Variants in SH2D4B observed in about 807,000 individuals in gnomAD.
SH2D4B encodes SH2 domain-containing protein 4B.
SH2D4B carries 45 observed loss-of-function variants against 61.5 expected under a neutral mutation model. That is an observed-to-expected ratio of 0.73 (90% CI 0.58 to 0.94). SH2D4B has a LOEUF of 0.94. Among genes scored for constraint, SH2D4B ranks in the 40% least tolerant of loss-of-function variants. The probability of loss-of-function intolerance (pLI) is 0.00; values close to 1 mark genes in which losing one functional copy is unlikely to be tolerated. For missense variants in SH2D4B, 572 were observed against 574.2 expected (o/e 1.00, Z 0.04); for synonymous variants, 224 against 220.4 (o/e 1.02, Z -0.14).
intron 4 of SH2D4B, among the ~76,000 whole-genome samples, chr10:80,599,367 C>T (rs1385040258): frequency 6.6e-6 from 1 of 152,118 alleles, no homozygotes; most frequent in Non-Finnish European, 1.5e-5. Flanking sequence ...TTGAAACTCT[C>T]CTTGAACTCT....
intron 7 of SH2D4B, among the ~76,000 whole-genome samples, chr10:80,638,290 G>A (rs184047591): frequency 2.6e-5 from 4 of 152,188 alleles, no homozygotes; most frequent in Admixed American, 6.5e-5. Flanking sequence ...TCAGGATGAC[G>A]TTGGCCTCAT....
intron 3 of SH2D4B, among the ~76,000 whole-genome samples, chr10:80,586,642 A>G (rs953812813): frequency 6.6e-6 from 1 of 152,142 alleles, no homozygotes; most frequent in African/African-American, 2.4e-5. Flanking sequence ...GGCTCTCTGT[A>G]AAATGGACCA....
At chr10:80,545,246 C>G (rs904036178) in intron 1 of SH2D4B, among the ~76,000 whole-genome samples, 28 of 152,218 alleles carry the variant, frequency 1.8e-4, no homozygotes, top group African/African-American at 6.5e-4. Flanking sequence ...TGAATGGTCA[C>G]TCCCTAGCCC....
intron 3 of SH2D4B, among the ~76,000 whole-genome samples, chr10:80,586,807 C>T (rs368735631): frequency 1.3e-5 from 2 of 152,190 alleles, no homozygotes; most frequent in African/African-American, 2.4e-5. Context: ...TGGTTCCACG[C>T]TGCCTTTATG....
Position 80,540,775 on chromosome 10 carries a change from T to C in SH2D4B, c.184+2260T>C, listed in dbSNP as rs113429610. 1.1e-3 allele frequency: 1,611 copies of C among 1,527,758 alleles called. 12 individuals are homozygous for C. In the African/African-American group the frequency reaches 0.016, roughly 15 times the overall value. The allele number at this position is 1,527,758 out of a possible 1,614,324, so 94.6% of individuals were successfully genotyped here. On this transcript the variant is annotated intron_variant, in intron 1 of 7. Transcript: ENST00000646907. ...CTGGAGACGGTGGGTAGATGGATCA[T>C]AGGGAACACAGCCAACTCGAGTGCC...
rs762139341 is a variant in SH2D4B, at chr10:80,644,033, A to C, written c.1250A>C (p.Glu417Ala). 3.1e-6 allele frequency: 5 copies of C among 1,613,848 alleles called. No homozygotes were observed. In the Admixed American group the frequency reaches 8.3e-5, roughly 27 times the overall value. Residue 417 changes from glutamate to alanine, a missense_variant, in exon 8 of 8, where the codon GAA (glutamate) becomes GCA (alanine). Physicochemically the swap from Glu to Ala is moderately radical, Grantham distance 107. Coordinates refer to ENST00000646907, the MANE Select transcript of SH2D4B (RefSeq NM_001388272.1). ...ITVSGGELLQ[E>A]PCGQRDSPPD... ...GTTTCAGGAGGAGAGTTACTTCAGG[A>C]ACCCTGCGGACAGAGGGACAGCCCA... is the stretch of plus-strand genomic sequence containing the variant.
At chr10:80,580,435 A>G (rs1404566401) in intron 3 of SH2D4B, among the ~76,000 whole-genome samples, 1 of 152,156 alleles carries the variant, frequency 6.6e-6, no homozygotes, top group Non-Finnish European at 1.5e-5. Flanking sequence ...GTCTCTTATC[A>G]GGAAGGAAGG....
intron 7 of SH2D4B, among the ~76,000 whole-genome samples, chr10:80,642,141 G>C (rs1840319074): frequency 6.6e-6 from 1 of 152,102 alleles, no homozygotes; most frequent in South Asian, 2.1e-4. Flanking sequence ...GCTTAGGCTG[G>C]AGTGCAGTGG....
intron 6 of SH2D4B, among the ~76,000 whole-genome samples, chr10:80,632,669 G>A (rs1842846115): frequency 6.6e-6 from 1 of 151,994 alleles, no homozygotes; most frequent in Admixed American, 6.5e-5. Flanking sequence ...GGGTGTTCTG[G>A]TGTTGGGGCA....
Position 80,644,233 on chromosome 10 carries a change from C to G in SH2D4B, c.*148C>G, listed in dbSNP as rs953079027. 11 of 641,938 alleles carry G rather than the reference C, an allele frequency of 1.7e-5. No individual in the cohort carries two copies. Among genetic ancestry groups the G allele is most frequent in the Non-Finnish European group, 3.0e-5 (11 of 369,544 alleles). 39.8% of individuals were successfully genotyped at this position (641,938 alleles called of 1,614,324 possible). On this transcript the variant is annotated 3_prime_UTR_variant, in exon 8 of 8. Transcript: ENST00000646907. ...TAATATGCCTCAAGGGATATGACAT[C>G]TATGGCATAGGGCTACTGGTCTCAT...
chr10:80,608,506 C>T (rs1485063032), intron 5 of SH2D4B, among the ~76,000 whole-genome samples: 5 of 152,200 alleles, frequency 3.3e-5, no homozygotes, highest in Non-Finnish European at 7.3e-5. Context: ...CGTGTGCTGC[C>T]AGCTCTTAAC....
At chr10:80,599,048 G>T (rs1564779280) in intron 4 of SH2D4B, among the ~76,000 whole-genome samples, 1 of 152,174 alleles carries the variant, frequency 6.6e-6, no homozygotes, top group Non-Finnish European at 1.5e-5. Flanking sequence ...CTTCTTGCCA[G>T]GTTTTTGACA....
At chr10:80,596,336 A>T (rs1486247597) in intron 4 of SH2D4B, among the ~76,000 whole-genome samples, 1 of 152,246 alleles carries the variant, frequency 6.6e-6, no homozygotes, top group Non-Finnish European at 1.5e-5. Flanking sequence ...TGAATGCCCC[A>T]AACCCTGAGA....
chr10:80,642,780 G>A (rs1265739656), intron 7 of SH2D4B, among the ~76,000 whole-genome samples: 1 of 152,204 alleles, frequency 6.6e-6, no homozygotes, highest in Non-Finnish European at 1.5e-5. Context: ...TCTAGGATGG[G>A]TCCTGGAACT....
chr10:80,595,310 T>C (rs1236385985), intron 4 of SH2D4B, among the ~76,000 whole-genome samples: 2 of 152,228 alleles, frequency 1.3e-5, no homozygotes, highest in African/African-American at 4.8e-5. Context: ...TCCTAGGGAC[T>C]TACTGTTGTA....
At chr10:80,575,984 T>G (rs974544383) in intron 3 of SH2D4B, among the ~76,000 whole-genome samples, 3 of 152,250 alleles carry the variant, frequency 2.0e-5, no homozygotes, top group Admixed American at 6.5e-5. Context: ...CAATTCTTTT[T>G]ATCTCTCTCC....
intron 1 of SH2D4B, among the ~76,000 whole-genome samples, chr10:80,550,861 C>T (rs1841751146): frequency 6.6e-6 from 1 of 152,092 alleles, no homozygotes; most frequent in African/African-American, 2.4e-5. Flanking sequence ...TAGGAAGCTT[C>T]CTCCACACTG....
chr10:80,612,389 C>G (rs7086576), intron 6 of SH2D4B, among the ~76,000 whole-genome samples: 77,379 of 151,602 alleles, frequency 0.51, 20,748 homozygotes, highest in East Asian at 0.74. Context: ...CTCGGCTCTC[C>G]CTGGGCTTGG....
chr10:80,608,223 T>G (rs892001217), intron 5 of SH2D4B, among the ~76,000 whole-genome samples: 1 of 151,760 alleles, frequency 6.6e-6, no homozygotes, highest in Non-Finnish European at 1.5e-5. Context: ...ACAGAGGAAA[T>G]GGAGGTGGAA....
Sources: allele counts gnomAD v4.1 joint callset (sites outside exome capture counted in the v4.1 genomes callset), GRCh38; gene constraint gnomAD v4.1.1; transcripts MANE v1.5; gene names NCBI Gene and HGNC (gene_info 2026-07-23, HGNC 2026-07-21).